CDC42BPA: variants seen among roughly 807,000 people sequenced by gnomAD.
CDC42BPA encodes CDC42 binding protein kinase alpha.
Under a neutral mutation model 223.5 loss-of-function variants are expected in CDC42BPA, and 80 were observed. The observed-to-expected ratio is 0.36, with a 90% CI of 0.30 to 0.43. CDC42BPA has a LOEUF of 0.43. CDC42BPA is among the 20% of genes least tolerant of loss of function. CDC42BPA has a pLI of 1.00. For missense variants in CDC42BPA, 1,743 were observed against 2,099.9 expected (o/e 0.83, Z 3.32); for synonymous variants, 694 against 718.6 (o/e 0.97, Z 0.55).
At position 227,020,887 on chromosome 1, in the gene CDC42BPA, C is replaced by T. The variant is rs145682496; in HGVS notation, c.4615+2376G>A. On this transcript the variant is annotated intron_variant, in intron 32 of 36. Coordinates refer to ENST00000366766, the MANE Select transcript of CDC42BPA (RefSeq NM_001394014.1). ...CTTTTGATTTAAAGTAAGAGATGTG[C>T]GACTCTTCAGTTGAACACTTAAGAG... is the stretch of plus-strand genomic sequence containing the variant. Among the ~76,000 whole-genome samples the T allele has an allele frequency of 3.1e-4, 47 of 152,178 alleles. 1 individual carries two copies. Among genetic ancestry groups the T allele is most frequent in the Admixed American group, 2.2e-3 (34 of 15,292 alleles).
At chr1:227,246,389 C>T (rs1308297427) in intron 2 of CDC42BPA, among the ~76,000 whole-genome samples, 1 of 152,084 alleles carries the variant, frequency 6.6e-6, no homozygotes, top group African/African-American at 2.4e-5. Flanking sequence ...GGAAACTCAC[C>T]ACCCTGAAGG....
chr1:227,142,016 G>C (rs914503890), intron 9 of CDC42BPA, among the ~76,000 whole-genome samples: 1 of 152,146 alleles, frequency 6.6e-6, no homozygotes, highest in African/African-American at 2.4e-5. Flanking sequence ...GTGAGTGGAA[G>C]AGTGAATATA....
chr1:227,053,677 A>G lies in CDC42BPA; in HGVS notation c.2905-1692T>C, dbSNP rs548945475. On this transcript the variant is annotated intron_variant, in intron 21 of 36. Coordinates refer to ENST00000366766, the MANE Select transcript of CDC42BPA (RefSeq NM_001394014.1). ...AGAGTAATTTACTCAAAGTAATTTA[A>G]TAATCAAGGAGGCTAAGTTATATTA... 7.2e-5 allele frequency among the ~76,000 whole-genome samples: 11 copies of G among 152,316 alleles called. No individual in the cohort carries two copies. The South Asian group carries it at 1.9e-3, about 26-fold the overall frequency.
At chr1:227,289,053 T>A (rs12569227) in intron 1 of CDC42BPA, among the ~76,000 whole-genome samples, 1 of 151,810 alleles carries the variant, frequency 6.6e-6, no homozygotes, top group South Asian at 2.1e-4. Flanking sequence ...ATATCACAAA[T>A]CTCCATCTCC....
chr1:227,187,489 A>G (rs1332079010), intron 5 of CDC42BPA, among the ~76,000 whole-genome samples: 2 of 146,956 alleles, frequency 1.4e-5, no homozygotes, highest in Non-Finnish European at 3.0e-5. Flanking sequence ...GACTGGAAAA[A>G]AAAAAAAAAA....
intron 35 of CDC42BPA, 68 bp from the exon 36 acceptor site, chr1:226,995,048 C>T: frequency 6.9e-7 from 1 of 1,441,880 alleles, no homozygotes; most frequent in East Asian, 2.4e-5. Flanking sequence ...AGCACACAGA[C>T]TGCTGAGCTG....
At chr1:227,265,134 T>C (rs962906998) in intron 1 of CDC42BPA, 32 of 753,156 alleles carry the variant, frequency 4.2e-5, no homozygotes, top group African/African-American at 3.4e-4. Context: ...ACATGCTGTG[T>C]ACTAAGATTC....
chr1:227,034,858 C>A, intron 25 of CDC42BPA, 64 bp from the exon 26 acceptor site: 1 of 1,439,450 alleles, frequency 6.9e-7, no homozygotes, highest in Non-Finnish European at 9.5e-7. Flanking sequence ...CCTTAAATTA[C>A]ATATGTAATT....
intron 3 of CDC42BPA, among the ~76,000 whole-genome samples, chr1:227,212,351 C>T (rs577766512): frequency 5.3e-5 from 8 of 152,186 alleles, no homozygotes; most frequent in Non-Finnish European, 1.0e-4. Flanking sequence ...GCGAATTTGT[C>T]ATTATTTTCT....
intron 34 of CDC42BPA, among the ~76,000 whole-genome samples, chr1:227,011,290 TTAAAA>T (rs1251283592): frequency 6.6e-5 from 10 of 152,184 alleles, no homozygotes; most frequent in African/African-American, 2.2e-4. Context: ...TATTCTTTAA[TTAAAA>T]TAAGTAAGGA....
At chr1:227,006,047 T>C (rs563988957) in intron 34 of CDC42BPA, among the ~76,000 whole-genome samples, 1 of 152,360 alleles carries the variant, frequency 6.6e-6, no homozygotes, top group East Asian at 1.9e-4. Context: ...TAATATTCTT[T>C]ATAAATCCTG....
intron 5 of CDC42BPA, among the ~76,000 whole-genome samples, chr1:227,191,871 C>A (rs959715680): frequency 2.6e-5 from 4 of 151,840 alleles, no homozygotes; most frequent in Non-Finnish European, 5.9e-5. Context: ...GTAATCCCAA[C>A]ACTTTGGGAG....
chr1:227,174,260 T>G (rs1291156160), intron 5 of CDC42BPA, among the ~76,000 whole-genome samples: 5 of 152,122 alleles, frequency 3.3e-5, no homozygotes, highest in African/African-American at 1.2e-4. Context: ...ATTAGCAATA[T>G]GAAAAATTCC....
intron 5 of CDC42BPA, among the ~76,000 whole-genome samples, chr1:227,185,459 T>G (rs965671159): frequency 6.6e-6 from 1 of 152,144 alleles, no homozygotes; most frequent in African/African-American, 2.4e-5. Context: ...AACATCATGG[T>G]GCCCCGCATT....
intron 3 of CDC42BPA, among the ~76,000 whole-genome samples, chr1:227,201,705 T>G (rs1466113243): frequency 2.0e-5 from 3 of 151,754 alleles, no homozygotes; most frequent in Non-Finnish European, 2.9e-5. Flanking sequence ...AGATTATATA[T>G]TCACATGGTA....
At chr1:227,298,876 C>T (rs1315059119) in intron 1 of CDC42BPA, among the ~76,000 whole-genome samples, 1 of 152,108 alleles carries the variant, frequency 6.6e-6, no homozygotes, top group Non-Finnish European at 1.5e-5. Flanking sequence ...CAAAACTAAG[C>T]TGAACAAAAC....
chr1:227,205,390 G>C (rs115273856), intron 3 of CDC42BPA, among the ~76,000 whole-genome samples: 8,089 of 150,740 alleles, frequency 0.054, 241 homozygotes, highest in Non-Finnish European at 0.072. Flanking sequence ...ATACATAGAA[G>C]TGAAAAAACA....
At position 227,145,479 on chromosome 1, in the gene CDC42BPA, T is replaced by C; in HGVS notation, c.1143+10A>G. ...AGAGGGACAGAACTTCTTCACAGTG[T>C]CATACTTACAGAATTTTTTAAACAA... On this transcript the variant is annotated intron_variant, in intron 8 of 36. Coordinates refer to ENST00000366766, the MANE Select transcript of CDC42BPA (RefSeq NM_001394014.1). 6.2e-7 allele frequency: 1 copy of C among 1,610,700 alleles called. No homozygotes were observed.
At chr1:227,065,364 CT>C (rs1676826530) in intron 21 of CDC42BPA, among the ~76,000 whole-genome samples, 1 of 152,140 alleles carries the variant, frequency 6.6e-6, no homozygotes, top group Admixed American at 6.5e-5. Context: ...GCCCAAATGC[CT>C]ACATTCCCCC....
Sources: allele counts gnomAD v4.1 joint callset (sites outside exome capture counted in the v4.1 genomes callset), GRCh38; gene constraint gnomAD v4.1.1; transcripts MANE v1.5; gene names NCBI Gene and HGNC (gene_info 2026-07-23, HGNC 2026-07-21).